GUCY1A2: variants seen among roughly 807,000 people sequenced by gnomAD.
GUCY1A2 encodes the protein guanylate cyclase 1 soluble subunit alpha 2.
GUCY1A2 carries 27 observed loss-of-function variants against 63.5 expected under a neutral mutation model. The ratio of observed to expected loss-of-function variants is 0.43; its 90% confidence interval spans 0.31 to 0.59. The LOEUF is 0.59. GUCY1A2 is among the 20% of genes least tolerant of loss of function. GUCY1A2 has a pLI of 0.11. For synonymous variants in GUCY1A2, 364 were observed against 343.5 expected, an observed-to-expected ratio of 1.06 and a Z score of -0.66; for missense variants, 768 against 913.3, an observed-to-expected ratio of 0.84 and a Z score of 2.05.
Position 106,679,559 on chromosome 11 carries a change from T to C in GUCY1A2, c.*7990A>G, listed in dbSNP as rs776108409. On this transcript the variant is annotated 3_prime_UTR_variant, in exon 8 of 8. Coordinates refer to ENST00000526355, the MANE Select transcript of GUCY1A2 (RefSeq NM_000855.3). ...CTAAGGGAATATGTAATTTATTTAATGTCAGAACAACAACAAATGTTTTTA... is the reference window on the plus strand; with the variant it reads ...CTAAGGGAATATGTAATTTATTTAACGTCAGAACAACAACAAATGTTTTTA... 10 of 203,462 alleles carry C rather than the reference T, an allele frequency of 4.9e-5. No individual in the cohort carries two copies. Among genetic ancestry groups the C allele is most frequent in the Non-Finnish European group, 7.1e-5 (7 of 99,248 alleles). 12.6% of individuals were successfully genotyped at this position (203,462 alleles called of 1,614,324 possible). A position where few individuals can be genotyped will look rare whatever the true frequency, so the allele number is the denominator to read the frequency against.
chr11:106,858,956 G>A (rs1476207739), intron 4 of GUCY1A2, among the ~76,000 whole-genome samples: 2 of 151,932 alleles, frequency 1.3e-5, no homozygotes, highest in African/African-American at 2.4e-5. Flanking sequence ...TTGGAGCAGG[G>A]GCCATTCAAT....
chr11:106,937,935 T>C (rs1191305291), intron 4 of GUCY1A2, among the ~76,000 whole-genome samples: 2 of 152,260 alleles, frequency 1.3e-5, no homozygotes, highest in African/African-American at 2.4e-5. Flanking sequence ...TTTCTATCAT[T>C]CTCAAATAAT....
At chr11:106,913,463 T>C (rs1207875785) in intron 4 of GUCY1A2, among the ~76,000 whole-genome samples, 1 of 152,026 alleles carries the variant, frequency 6.6e-6, no homozygotes, top group South Asian at 2.1e-4. Context: ...TGGGAACTAA[T>C]ACAGTGAGAA....
rs572262351 is a variant in GUCY1A2, at chr11:106,701,864, A to G, written c.1991+6648T>C. Among the ~76,000 whole-genome samples, 2 of 152,330 alleles carry G rather than the reference A, an allele frequency of 1.3e-5. 1 individual carries two copies. Among genetic ancestry groups the G allele is most frequent in the South Asian group, 4.1e-4 (2 of 4,826 alleles). On this transcript the variant is annotated intron_variant, in intron 7 of 7. Coordinates refer to ENST00000526355, the MANE Select transcript of GUCY1A2 (RefSeq NM_000855.3). ...AATTTAATCATTATGCATTGTAAAC[A>G]CTTATCAAAATATTACTCTGTATCC...
intron 3 of GUCY1A2, among the ~76,000 whole-genome samples, chr11:106,957,051 G>C (rs967530903): frequency 3.9e-5 from 6 of 152,192 alleles, no homozygotes; most frequent in Non-Finnish European, 8.8e-5. Flanking sequence ...GCCTGAAGAG[G>C]CACTCTAGCC....
At chr11:106,931,962 C>T (rs1376354012) in intron 4 of GUCY1A2, among the ~76,000 whole-genome samples, 1 of 151,856 alleles carries the variant, frequency 6.6e-6, no homozygotes, top group African/African-American at 2.4e-5. Context: ...CAAAAAAGTA[C>T]ACAAGAACAA....
At chr11:106,896,629 C>G (rs1478489890) in intron 4 of GUCY1A2, among the ~76,000 whole-genome samples, 4 of 152,112 alleles carry the variant, frequency 2.6e-5, no homozygotes, top group African/African-American at 9.7e-5. Context: ...TATAAAAGGG[C>G]TCAAGGGTGA....
chr11:106,950,784 T>C (rs1860896470), intron 3 of GUCY1A2, among the ~76,000 whole-genome samples: 1 of 152,092 alleles, frequency 6.6e-6, no homozygotes, highest in Admixed American at 6.5e-5. Context: ...AAATTTCTTC[T>C]AAAAAAATGG....
At chr11:106,714,366 C>T (rs1378452544) in intron 6 of GUCY1A2, among the ~76,000 whole-genome samples, 2 of 152,126 alleles carry the variant, frequency 1.3e-5, no homozygotes, top group Non-Finnish European at 2.9e-5. Context: ...GGAAGTAAGG[C>T]GATACCACTG....
chr11:106,725,190 T>TTTTTTTTTTTTA (rs1863385844), intron 6 of GUCY1A2, among the ~76,000 whole-genome samples: 1 of 76,958 alleles, frequency 1.3e-5, no homozygotes, highest in African/African-American at 5.6e-5. Context: ...TTTTTTTTTT[T>TTTTTTTTTTTTA]GAGACGGAGT....
intron 1 of GUCY1A2, among the ~76,000 whole-genome samples, chr11:106,986,971 A>G (rs1391971180): frequency 1.3e-5 from 2 of 152,356 alleles, no homozygotes; most frequent in Non-Finnish European, 2.9e-5. Flanking sequence ...CTGAACTTGG[A>G]GTTTCAGACT....
intron 6 of GUCY1A2, among the ~76,000 whole-genome samples, chr11:106,732,972 A>G (rs1863529410): frequency 6.6e-6 from 1 of 152,222 alleles, no homozygotes; most frequent in Non-Finnish European, 1.5e-5. Flanking sequence ...CCTGAGAAAA[A>G]TAACACAGGA....
intron 4 of GUCY1A2, among the ~76,000 whole-genome samples, chr11:106,880,374 G>A (rs56101844): frequency 0.055 from 8,337 of 152,016 alleles, 329 homozygotes; most frequent in Middle Eastern, 0.12. Context: ...GCTAAGTGAA[G>A]ACTGCATGTT....
intron 6 of GUCY1A2, among the ~76,000 whole-genome samples, chr11:106,751,618 A>C (rs978963644): frequency 2.6e-5 from 4 of 152,060 alleles, no homozygotes; most frequent in African/African-American, 4.8e-5. Flanking sequence ...GTATTTTCTA[A>C]TTTGCCAGTA....
chr11:106,730,140 G>A (rs1010831662), intron 6 of GUCY1A2, among the ~76,000 whole-genome samples: 9 of 143,162 alleles, frequency 6.3e-5, no homozygotes, highest in East Asian at 4.1e-4. Context: ...TAGGTTCAGC[G>A]GTACCTAAAA....
intron 4 of GUCY1A2, among the ~76,000 whole-genome samples, chr11:106,841,531 C>T (rs1859197998): frequency 6.6e-6 from 1 of 151,852 alleles, no homozygotes; most frequent in African/African-American, 2.4e-5. Flanking sequence ...CATTCCATTC[C>T]ATGTGCATAT....
intron 4 of GUCY1A2, among the ~76,000 whole-genome samples, chr11:106,843,224 T>C (rs1859224595): frequency 6.6e-6 from 1 of 151,808 alleles, no homozygotes; most frequent in African/African-American, 2.4e-5. Context: ...AATATCTGAA[T>C]ATTTTTAAGA....
At position 106,746,643 on chromosome 11, in the gene GUCY1A2, G is replaced by C. The variant is rs146905919; in HGVS notation, c.1836+29796C>G. ...GAGAAAAGGAGTTCACTCCTCTGGGGCTTGAAAAGTCACACCGAGACACCA... is the reference window on the plus strand; with the variant it reads ...GAGAAAAGGAGTTCACTCCTCTGGGCCTTGAAAAGTCACACCGAGACACCA... On this transcript the variant is annotated intron_variant, in intron 6 of 7. Coordinates refer to ENST00000526355, the MANE Select transcript of GUCY1A2 (RefSeq NM_000855.3). 7.5e-4 allele frequency: 1,185 copies of C among 1,575,616 alleles called. 12 individuals are homozygous for C. The African/African-American group carries it at 0.014, about 19-fold the overall frequency.
chr11:106,761,049 A>T (rs931669113), intron 6 of GUCY1A2, among the ~76,000 whole-genome samples: 1 of 152,158 alleles, frequency 6.6e-6, no homozygotes, highest in South Asian at 2.1e-4. Context: ...ACACTTTCCA[A>T]ATTATACTTC....
Sources: allele counts gnomAD v4.1 joint callset (sites outside exome capture counted in the v4.1 genomes callset), GRCh38; gene constraint gnomAD v4.1.1; transcripts MANE v1.5; gene names NCBI Gene and HGNC (gene_info 2026-07-23, HGNC 2026-07-21).